The following NDRG1 variants were observed in gnomAD, a reference collection of about 807,000 sequenced individuals.
The protein encoded by NDRG1 is protein NDRG1.
Under a neutral mutation model 56.9 loss-of-function variants are expected in NDRG1, and 32 were observed. The ratio of observed to expected loss-of-function variants is 0.56; its 90% CI spans 0.42 to 0.76. The LOEUF (loss-of-function observed/expected upper bound fraction) is 0.76. Ranked by LOEUF, NDRG1 falls within the 30% of genes least tolerant of loss-of-function variation. NDRG1 has a pLI of 0.00. For synonymous variants in NDRG1, 211 were observed against 204.1 expected (o/e 1.03, Z -0.29); for missense variants, 507 against 545.7 (o/e 0.93, Z 0.71).
At chr8:133,292,216 G>A (rs187681144) in intron 1 of NDRG1, among the ~76,000 whole-genome samples, 2 of 152,268 alleles carry the variant, frequency 1.3e-5, no homozygotes, top group South Asian at 2.1e-4. Context: ...TCACACAAAC[G>A]GAGCCAGTGT....
chr8:133,238,821 G>C lies in NDRG1; in HGVS notation c.*57C>G. ...GCAGGCAGGGGGCGAAAAGGGGCCG[G>C]GGAGGAGGGGGCCACTACAGAGATC... is the stretch of plus-strand genomic sequence containing the variant. On this transcript the variant is annotated 3_prime_UTR_variant, in exon 16 of 16. Transcript: ENST00000323851. 1 of 1,520,790 alleles carries C rather than the reference G, an allele frequency of 6.6e-7. No homozygotes were observed. Among genetic ancestry groups the C allele is most frequent in the Non-Finnish European group, 8.8e-7 (1 of 1,137,236 alleles). 94.2% of individuals were successfully genotyped at this position (1,520,790 alleles called of 1,614,324 possible).
chr8:133,291,331 C>T lies in NDRG1; in HGVS notation c.-19+5803G>A, dbSNP rs143727473. On this transcript the variant is annotated intron_variant, in intron 1 of 15. Transcript: ENST00000323851. ...TGTAGCAACTTCCCCAGAAAATTGC[C>T]GAGAACAGCACCATTTCTGCCTGAA... Among the ~76,000 whole-genome samples, 694 of 152,252 alleles carry T rather than the reference C, an allele frequency of 4.6e-3. 4 individuals are homozygous for T. Among genetic ancestry groups the T allele is most frequent in the African/African-American group, 0.016 (656 of 41,542 alleles).
At chr8:133,248,955 T>G (rs1404843328) in intron 10 of NDRG1, among the ~76,000 whole-genome samples, 184 bp from the exon 11 acceptor site, 2 of 152,280 alleles carry the variant, frequency 1.3e-5, no homozygotes, top group Non-Finnish European at 1.5e-5. Flanking sequence ...CAGACCTGGT[T>G]AGAGGGACAG....
intron 3 of NDRG1, among the ~76,000 whole-genome samples, chr8:133,279,880 A>T (rs1180320038): frequency 1.3e-5 from 2 of 152,164 alleles, no homozygotes; most frequent in Non-Finnish European, 2.9e-5. Context: ...TGGAGCCAAG[A>T]ACATCAAGCT....
At chr8:133,290,588 C>A (rs1320957617) in intron 1 of NDRG1, among the ~76,000 whole-genome samples, 1 of 152,172 alleles carries the variant, frequency 6.6e-6, no homozygotes, top group African/African-American at 2.4e-5. Context: ...GTCCTCACCA[C>A]CACCCGTGGC....
At chr8:133,248,358 T>C (rs1341289533) in intron 11 of NDRG1, among the ~76,000 whole-genome samples, 1 of 152,202 alleles carries the variant, frequency 6.6e-6, no homozygotes, top group Non-Finnish European at 1.5e-5. Flanking sequence ...CTTTTCCTCC[T>C]AGGTGTATGG....
chr8:133,294,273 C>T (rs1463906556), intron 1 of NDRG1, among the ~76,000 whole-genome samples: 1 of 152,214 alleles, frequency 6.6e-6, no homozygotes, highest in Non-Finnish European at 1.5e-5. Flanking sequence ...AATCCTGAAA[C>T]TCTCCTGGCC....
intron 1 of NDRG1, among the ~76,000 whole-genome samples, chr8:133,292,126 T>G (rs1281837457): frequency 6.6e-6 from 1 of 152,218 alleles, no homozygotes; most frequent in African/African-American, 2.4e-5. Flanking sequence ...AGGAGGACAC[T>G]GGTCTCCTTA....
At chr8:133,265,839 C>T (rs1043528613) in intron 3 of NDRG1, among the ~76,000 whole-genome samples, 2 of 152,238 alleles carry the variant, frequency 1.3e-5, no homozygotes, top group African/African-American at 4.8e-5. Flanking sequence ...CACCCTTCAC[C>T]CCATGCCTAC....
intron 3 of NDRG1, among the ~76,000 whole-genome samples, chr8:133,276,818 C>G (rs933620408): frequency 1.1e-4 from 16 of 152,194 alleles, no homozygotes; most frequent in African/African-American, 1.7e-4. Context: ...ACTGATACCT[C>G]TAGCAATTCC....
Position 133,247,894 on chromosome 8 carries a change from G to A in NDRG1, c.788C>T (p.Ser263Leu), listed in dbSNP as rs770044182. The change falls in exon 12 of 16, where the codon TCG becomes TTG. Residue 263 changes from serine to leucine, a missense_variant. Coordinates refer to ENST00000323851, the MANE Select transcript of NDRG1 (RefSeq NM_006096.4). ...ACATACCACGGCATCCACTGCAGGC[G>A]AGCTGTCCCCAACCACCAACAGAGC... ...CPALLVVGDS[S>L]PAVDAVVECN... 3 of 1,614,084 alleles carry A rather than the reference G, an allele frequency of 1.9e-6. No homozygotes were observed. The highest frequency in any genetic ancestry group is 1.1e-5 in the South Asian group (1 of 91,072).
chr8:133,245,554 G>A (rs967085511), intron 13 of NDRG1, among the ~76,000 whole-genome samples: 1 of 152,094 alleles, frequency 6.6e-6, no homozygotes, highest in African/African-American at 2.4e-5. Flanking sequence ...AGACTGGAGT[G>A]ATGTGTCTAC....
chr8:133,265,369 C>T (rs1380409530), intron 3 of NDRG1, among the ~76,000 whole-genome samples: 1 of 152,158 alleles, frequency 6.6e-6, no homozygotes, highest in Non-Finnish European at 1.5e-5. Context: ...AGGCAAGGGC[C>T]TGCCTGAAAG....
chr8:133,243,009 T>C (rs1855470498), intron 14 of NDRG1, among the ~76,000 whole-genome samples: 1 of 152,064 alleles, frequency 6.6e-6, no homozygotes, highest in African/African-American at 2.4e-5. Context: ...AACTTGGAGG[T>C]GAATGCTCAA....
intron 1 of NDRG1, among the ~76,000 whole-genome samples, chr8:133,295,525 G>A (rs1217018901): frequency 6.6e-6 from 1 of 152,196 alleles, no homozygotes; most frequent in Non-Finnish European, 1.5e-5. Flanking sequence ...GTCTCCAGCC[G>A]TGTGTCTTCC....
chr8:133,282,529 T>C (rs992611224), intron 2 of NDRG1, among the ~76,000 whole-genome samples: 4 of 152,234 alleles, frequency 2.6e-5, no homozygotes, highest in African/African-American at 9.7e-5. Flanking sequence ...GAAATAAGAA[T>C]ATGGTGATAT....
At chr8:133,243,564 C>T (rs1042239739) in intron 14 of NDRG1, among the ~76,000 whole-genome samples, 1 of 152,198 alleles carries the variant, frequency 6.6e-6, no homozygotes, top group Non-Finnish European at 1.5e-5. Context: ...GAATTGCTCC[C>T]CCCTGTGCTG....
At chr8:133,281,577 T>C (rs1857805002) in intron 2 of NDRG1, among the ~76,000 whole-genome samples, 1 of 138,836 alleles carries the variant, frequency 7.2e-6, no homozygotes, top group African/African-American at 2.6e-5. Context: ...GTCCCAACAC[T>C]GTGAAAACTG....
intron 3 of NDRG1, 152 bp from the exon 4 acceptor site, chr8:133,264,804 G>A: frequency 5.7e-6 from 4 of 700,878 alleles, no homozygotes; most frequent in East Asian, 2.7e-5. Context: ...GCTCTCTCTG[G>A]CCAGAAGCCA....
Sources: gnomAD v4.1 joint callset for allele counts (sites outside exome capture counted in the v4.1 genomes callset) on GRCh38, gnomAD v4.1.1 for gene constraint, MANE v1.5 for transcripts, NCBI Gene and HGNC (gene_info 2026-07-23, HGNC 2026-07-21) for gene names.